Variants in TOP1 observed in about 807,000 individuals in gnomAD.
TOP1 encodes the protein DNA topoisomerase I.
A neutral mutation model predicts 111.1 loss-of-function variants in TOP1; 10 were observed. The observed-to-expected ratio is 0.09, with a 90% CI of 0.06 to 0.15. TOP1 has a LOEUF of 0.15. Among genes scored for constraint, TOP1 ranks in the 10% least tolerant of loss-of-function variants. The pLI is 1.00. For missense variants in TOP1, 474 were observed against 926.7 expected (o/e 0.51, Z 6.34); for synonymous variants, 271 against 302.9 (o/e 0.89, Z 1.10).
chr20:41,065,742 C>CT (rs568082581), intron 3 of TOP1, among the ~76,000 whole-genome samples: 19 of 152,050 alleles, frequency 1.2e-4, no homozygotes, highest in Non-Finnish European at 2.4e-4. Flanking sequence ...GAAATTCATT[C>CT]TTTTTTATGA....
chr20:41,118,411 A>G lies in TOP1; in HGVS notation c.1950+115A>G, dbSNP rs2034367989. The G allele has an allele frequency of 2.5e-6, 3 of 1,196,472 alleles. No individual in the cohort carries two copies. Among genetic ancestry groups the G allele is most frequent in the African/African-American group, 3.1e-5 (2 of 65,566 alleles). 74.1% of individuals were successfully genotyped at this position (1,196,472 alleles called of 1,614,324 possible). A position where few individuals can be genotyped will look rare whatever the true frequency, so the allele number is the denominator to read the frequency against. Reference sequence around the variant, plus strand: ...GTGCTGGGTCTGTTGTAGAAGGTCTATGCTAAAGATAAACAAATGGAAATA... The same window carrying G: ...GTGCTGGGTCTGTTGTAGAAGGTCTGTGCTAAAGATAAACAAATGGAAATA... On this transcript the variant is annotated intron_variant, in intron 18 of 20. Coordinates refer to ENST00000361337, the MANE Select transcript of TOP1 (RefSeq NM_003286.4). This position sits in a 1 kb window ranked among gnomAD's most constrained non-coding sequence, Gnocchi z 4.6.
chr20:41,049,021 C>T (rs2033368475), intron 2 of TOP1, among the ~76,000 whole-genome samples: 1 of 152,098 alleles, frequency 6.6e-6, no homozygotes, highest in African/African-American at 2.4e-5. Flanking sequence ...GTTGTAAAGC[C>T]ATAAAAGAAA....
At position 41,119,070 on chromosome 20, in the gene TOP1, T is replaced by C. The variant is rs375389362; in HGVS notation, c.1950+774T>C. Among the ~76,000 whole-genome samples the C allele has an allele frequency of 3.5e-4, 54 of 152,310 alleles. 1 individual carries two copies. The East Asian group carries it at 4.8e-3, about 14-fold the overall frequency. On this transcript the variant is annotated intron_variant, in intron 18 of 20. Transcript: ENST00000361337. The stretch of plus-strand genomic sequence containing the variant: ...TACACAGGGTTAAAAAGGAAACAAA[T>C]TATATTGAAATACAGTTATCAAAAT...
Position 41,102,706 on chromosome 20 carries a change from A to C in TOP1, c.1308+1353A>C, listed in dbSNP as rs1177292053. Among the ~76,000 whole-genome samples the C allele has an allele frequency of 1.3e-5, 2 of 152,236 alleles. No homozygotes were observed. The highest frequency in any genetic ancestry group is 4.8e-5 in the African/African-American group (2 of 41,462). Reference sequence around the variant, plus strand: ...AGCGAACACTTATGTTGAGCAGACTAGTCATTTAAAGAAACATGTATTCCT... The same window carrying C: ...AGCGAACACTTATGTTGAGCAGACTCGTCATTTAAAGAAACATGTATTCCT... On this transcript the variant is annotated intron_variant, in intron 13 of 20. Coordinates refer to ENST00000361337, the MANE Select transcript of TOP1 (RefSeq NM_003286.4). This position sits in a 1 kb window ranked among gnomAD's most constrained non-coding sequence, Gnocchi z 4.0.
rs920451287 is a variant in TOP1 at position 41,067,324 on chromosome 20, T to G, written c.155+5834T>G. ...TTGGTAGAGACGAGGTTTCACCATA[T>G]TGGCCAGGCTGGTCTCGAACTCCTG... On this transcript the variant is annotated intron_variant, in intron 3 of 20. Coordinates refer to ENST00000361337, the MANE Select transcript of TOP1 (RefSeq NM_003286.4). This position sits in a 1 kb window ranked among gnomAD's most constrained non-coding sequence, Gnocchi z 4.0. Among the ~76,000 whole-genome samples, 4 of 152,078 alleles carry G rather than the reference T, an allele frequency of 2.6e-5. No homozygotes were observed. The highest frequency in any genetic ancestry group is 2.1e-4 in the South Asian group (1 of 4,804).
intron 2 of TOP1, among the ~76,000 whole-genome samples, chr20:41,049,202 T>G (rs145486343): frequency 6.6e-6 from 1 of 152,342 alleles, no homozygotes; most frequent in South Asian, 2.1e-4. Context: ...CAGCTGCTGA[T>G]GTTTAAGAAC....
chr20:41,107,295 TA>T (rs2034161442), intron 13 of TOP1, among the ~76,000 whole-genome samples: 1 of 152,248 alleles, frequency 6.6e-6, no homozygotes. Flanking sequence ...CCATAACTTC[TA>T]GACCATTCCT....
intron 2 of TOP1, among the ~76,000 whole-genome samples, chr20:41,035,292 A>G (rs1471967337): frequency 6.6e-6 from 1 of 152,104 alleles, no homozygotes; most frequent in African/African-American, 2.4e-5. Context: ...TAAATGTTTT[A>G]ATTTACCATC....
intron 17 of TOP1, among the ~76,000 whole-genome samples, chr20:41,117,380 ATTTTTTTTTTTTTTTT>A (rs1192075214): frequency 2.3e-5 from 2 of 85,530 alleles, no homozygotes; most frequent in South Asian, 4.3e-4. Context: ...CTGTGGCTTA[ATTTTTTTTTTTTTTTT>A]TTTTTTTTTG....
chr20:41,074,175 AT>A (rs1435468448), intron 3 of TOP1, among the ~76,000 whole-genome samples: 1 of 152,004 alleles, frequency 6.6e-6, no homozygotes, highest in Non-Finnish European at 1.5e-5. Flanking sequence ...TGCTAATGCA[AT>A]TGGAAGACTT....
chr20:41,084,089 T>A (rs1040560090), intron 7 of TOP1, among the ~76,000 whole-genome samples: 4 of 152,168 alleles, frequency 2.6e-5, no homozygotes, highest in Admixed American at 6.5e-5. Flanking sequence ...GTTATTTGAT[T>A]GTACTGGAAG....
chr20:41,045,550 G>A (rs1032123123), intron 2 of TOP1, among the ~76,000 whole-genome samples: 2 of 152,074 alleles, frequency 1.3e-5, no homozygotes, highest in Admixed American at 1.3e-4. Context: ...AACCCTATGA[G>A]GTAGGTTATG....
chr20:41,115,782 A>G lies in TOP1; in HGVS notation c.1707+343A>G, dbSNP rs2034320082. Among the ~76,000 whole-genome samples the G allele has an allele frequency of 6.6e-6, 1 of 152,036 alleles. No homozygotes were observed. The highest frequency in any genetic ancestry group is 6.6e-5 in the Admixed American group (1 of 15,262). On this transcript the variant is annotated intron_variant, in intron 16 of 20. Transcript: ENST00000361337. The surrounding 1 kb of genome is among the most constrained non-coding windows in gnomAD (Gnocchi z 6.3). ...CTGATATCTTAATAGGGAAGGAAAA[A>G]TTTGCTTTATTGGTTTGTTAAGCCC...
chr20:41,120,505 GACAGGGGCT>G (rs1468376718), intron 18 of TOP1, among the ~76,000 whole-genome samples: 1 of 152,226 alleles, frequency 6.6e-6, no homozygotes, highest in Non-Finnish European at 1.5e-5. Flanking sequence ...TGAGCTCAGT[GACAGGGGCT>G]CTAGCTCCAT....
intron 2 of TOP1, among the ~76,000 whole-genome samples, chr20:41,041,584 T>C (rs2033265417): frequency 6.6e-6 from 1 of 152,166 alleles, no homozygotes; most frequent in Non-Finnish European, 1.5e-5. Context: ...TTTGAGAGCT[T>C]AACAGTAAGT....
chr20:41,029,540 G>C lies in TOP1; in HGVS notation c.58+85G>C. ...CCCTGCCGGTGCCGGGCAGAGGACA[G>C]ACATGGCGTCCCAGAGACTAAGTCC... is the stretch of plus-strand genomic sequence containing the variant. On this transcript the variant is annotated intron_variant, in intron 2 of 20. Coordinates refer to ENST00000361337, the MANE Select transcript of TOP1 (RefSeq NM_003286.4). The surrounding 1 kb of genome is among the most constrained non-coding windows in gnomAD (Gnocchi z 6.1). 1 of 1,108,740 alleles carries C rather than the reference G, an allele frequency of 9.0e-7. No individual in the cohort carries two copies. The highest frequency in any genetic ancestry group is 1.3e-6 in the Non-Finnish European group (1 of 750,842). 68.7% of individuals were successfully genotyped at this position (1,108,740 alleles called of 1,614,324 possible).
intron 5 of TOP1, among the ~76,000 whole-genome samples, 171 bp downstream of exon 5, chr20:41,077,808 A>G (rs1158738180): frequency 6.6e-6 from 1 of 152,338 alleles, no homozygotes; most frequent in Non-Finnish European, 1.5e-5. Context: ...GAGCCTTTCT[A>G]CAGTGCCATA....
chr20:41,108,360 TAAAG>T (rs1208452856), intron 13 of TOP1, among the ~76,000 whole-genome samples: 2 of 152,186 alleles, frequency 1.3e-5, no homozygotes. Flanking sequence ...TTTAAAAAAT[TAAAG>T]GAATCATTCA....
rs1255927317 is a variant in TOP1, at chr20:41,106,256, A to C, written c.1308+4903A>C. On this transcript the variant is annotated intron_variant, in intron 13 of 20. Coordinates refer to ENST00000361337, the MANE Select transcript of TOP1 (RefSeq NM_003286.4). This position sits in a 1 kb window ranked among gnomAD's most constrained non-coding sequence, Gnocchi z 4.3. ...TTCGTGTATCTGTTTCTGCATCAGTAGCATACTGTCTTAACTACTGTAGCT... is the reference window on the plus strand; with the variant it reads ...TTCGTGTATCTGTTTCTGCATCAGTCGCATACTGTCTTAACTACTGTAGCT... Among the ~76,000 whole-genome samples, 1 of 152,172 alleles carries C rather than the reference A, an allele frequency of 6.6e-6. No homozygotes were observed. The highest frequency in any genetic ancestry group is 1.5e-5 in the Non-Finnish European group (1 of 68,030).
Sources: allele counts gnomAD v4.1 joint callset (sites outside exome capture counted in the v4.1 genomes callset), GRCh38; gene constraint gnomAD v4.1.1; non-coding constraint Gnocchi (gnomAD v3.1); transcripts MANE v1.5; gene names NCBI Gene and HGNC (gene_info 2026-07-23, HGNC 2026-07-21).